Variants in SYT1 observed in about 807,000 individuals in gnomAD.
SYT1 encodes synaptotagmin 1.
Under a neutral mutation model 44.8 loss-of-function variants are expected in SYT1, and 8 were observed. That is an observed-to-expected ratio of 0.18 (90% CI 0.10 to 0.32). SYT1 has a LOEUF of 0.32. SYT1 is among the 10% of genes least tolerant of loss of function. SYT1 has a pLI of 1.00. For synonymous variants in SYT1, 154 were observed against 188.8 expected (o/e 0.82, Z 1.51); for missense variants, 286 against 509.3 (o/e 0.56, Z 4.22).
At chr12:79,415,780 C>A (rs1299440026) in intron 9 of SYT1, among the ~76,000 whole-genome samples, 1 of 152,132 alleles carries the variant, frequency 6.6e-6, no homozygotes, top group African/African-American at 2.4e-5. Flanking sequence ...TAGATGTTGC[C>A]AAAATTAAGC....
At chr12:78,876,898 T>TATATTATATGTATTATATATA (rs1565697970) in intron 1 of SYT1, among the ~76,000 whole-genome samples, 1 of 17,108 alleles carries the variant, frequency 5.8e-5, no homozygotes, top group Non-Finnish European at 1.4e-4. Context: ...TAATATATAT[T>TATATTATATGTATTATATATA]ATATATTATA....
chr12:79,182,695 G>A (rs1872609772), intron 3 of SYT1, among the ~76,000 whole-genome samples: 1 of 152,042 alleles, frequency 6.6e-6, no homozygotes, highest in Non-Finnish European at 1.5e-5. Context: ...TAATTTAAAA[G>A]CATAAATGTT....
At position 79,010,640 on chromosome 12, in the gene SYT1, C is replaced by A. The variant is rs376117959; in HGVS notation, c.-84+32709C>A. ...TTCCTCCTATAATGCCTCCAAAACA[C>A]CCAGATCTTCTGATCTTTTGATTCT... On this transcript the variant is annotated intron_variant, in intron 2 of 10. Coordinates refer to ENST00000261205, the MANE Select transcript of SYT1 (RefSeq NM_005639.3). 1.1e-4 allele frequency among the ~76,000 whole-genome samples: 17 copies of A among 152,284 alleles called. No homozygotes were observed. In the East Asian group the frequency reaches 1.5e-3, roughly 14 times the overall value.
At chr12:79,145,415 ATATT>A (rs1179763293) in intron 3 of SYT1, among the ~76,000 whole-genome samples, 4 of 152,116 alleles carry the variant, frequency 2.6e-5, no homozygotes, top group African/African-American at 9.7e-5. Context: ...ATTTAAATTA[ATATT>A]TATTTTTATC....
chr12:79,378,588 C>G (rs1884093649), intron 9 of SYT1, among the ~76,000 whole-genome samples: 1 of 152,198 alleles, frequency 6.6e-6, no homozygotes, highest in Non-Finnish European at 1.5e-5. Context: ...GATTTTCAAA[C>G]TATTCTGATT....
chr12:79,112,046 G>A (rs912915336), intron 3 of SYT1, among the ~76,000 whole-genome samples: 17 of 149,904 alleles, frequency 1.1e-4, no homozygotes, highest in Non-Finnish European at 2.4e-4. Flanking sequence ...AAAACACAAA[G>A]AACTGCAATT....
intron 3 of SYT1, among the ~76,000 whole-genome samples, chr12:79,113,154 A>T (rs1356727152): frequency 6.6e-6 from 1 of 152,074 alleles, no homozygotes; most frequent in Non-Finnish European, 1.5e-5. Flanking sequence ...TGTGTTTCTG[A>T]TATGTTAACC....
intron 3 of SYT1, among the ~76,000 whole-genome samples, chr12:79,073,160 G>A (rs1485300410): frequency 1.3e-5 from 2 of 151,930 alleles, no homozygotes; most frequent in Non-Finnish European, 2.9e-5. Context: ...GGGGTGTAGT[G>A]GTGCCATAAT....
At chr12:79,035,957 A>T (rs911152650) in intron 2 of SYT1, among the ~76,000 whole-genome samples, 1 of 151,662 alleles carries the variant, frequency 6.6e-6, no homozygotes, top group African/African-American at 2.4e-5. Flanking sequence ...AACAAAAAAA[A>T]AAAAAACAAG....
intron 4 of SYT1, among the ~76,000 whole-genome samples, chr12:79,261,964 C>T (rs1040140528): frequency 1.3e-5 from 2 of 152,148 alleles, no homozygotes; most frequent in Admixed American, 6.5e-5. Context: ...AAAATCTACA[C>T]ATAAACATTC....
At chr12:79,272,522 A>C (rs999474557) in intron 4 of SYT1, among the ~76,000 whole-genome samples, 1 of 152,218 alleles carries the variant, frequency 6.6e-6, no homozygotes, top group African/African-American at 2.4e-5. Context: ...ATGGGGTAGG[A>C]AACGACAGAA....
At chr12:79,086,866 C>T (rs1877416574) in intron 3 of SYT1, among the ~76,000 whole-genome samples, 1 of 152,148 alleles carries the variant, frequency 6.6e-6, no homozygotes. Flanking sequence ...TCTTGGTAGG[C>T]CTCCAGGCAT....
At chr12:78,932,117 T>C (rs1877792318) in intron 1 of SYT1, among the ~76,000 whole-genome samples, 1 of 152,242 alleles carries the variant, frequency 6.6e-6, no homozygotes, top group Non-Finnish European at 1.5e-5. Flanking sequence ...CTTCCCTTAT[T>C]GATGCAATTG....
intron 3 of SYT1, among the ~76,000 whole-genome samples, chr12:79,100,296 G>A (rs1187533676): frequency 1.3e-5 from 2 of 152,144 alleles, no homozygotes; most frequent in African/African-American, 2.4e-5. Context: ...AAGTGGCAGA[G>A]CCAACTTTGG....
chr12:79,181,644 G>T (rs1428680357), intron 3 of SYT1, among the ~76,000 whole-genome samples: 1 of 151,942 alleles, frequency 6.6e-6, no homozygotes, highest in Non-Finnish European at 1.5e-5. Context: ...AAGTGTGGCA[G>T]ACCAGGTCAT....
chr12:79,207,121 A>G (rs770880626), intron 3 of SYT1, among the ~76,000 whole-genome samples: 6 of 152,206 alleles, frequency 3.9e-5, no homozygotes, highest in Non-Finnish European at 8.8e-5. Context: ...CCTCAGTCCA[A>G]TGAGCTGCCA....
intron 1 of SYT1, among the ~76,000 whole-genome samples, chr12:78,948,898 T>C (rs1219770696): frequency 6.6e-6 from 1 of 151,346 alleles, no homozygotes; most frequent in African/African-American, 2.4e-5. Context: ...AATGTAAGTT[T>C]CTTACAGAAG....
chr12:78,896,856 C>T (rs566970472), intron 1 of SYT1, among the ~76,000 whole-genome samples: 1 of 151,816 alleles, frequency 6.6e-6, no homozygotes, highest in Admixed American at 6.6e-5. Context: ...ATTTCTATAT[C>T]TTTAGGAAGA....
Position 79,055,066 on chromosome 12 carries a change from T to C in SYT1, c.-18+7704T>C, listed in dbSNP as rs537015941. Among the ~76,000 whole-genome samples, 6 of 152,106 alleles carry C rather than the reference T, an allele frequency of 3.9e-5. No homozygotes were observed. In the South Asian group the frequency reaches 6.2e-4, roughly 16 times the overall value. ...ATTCAAATGCCAGCTCCACCACTTATTAACTATGGGATGTAGGACAATTTT... is the reference window on the plus strand; with the variant it reads ...ATTCAAATGCCAGCTCCACCACTTACTAACTATGGGATGTAGGACAATTTT... On this transcript the variant is annotated intron_variant, in intron 3 of 10. Coordinates refer to ENST00000261205, the MANE Select transcript of SYT1 (RefSeq NM_005639.3).
Sources: gnomAD v4.1 joint callset for allele counts (sites outside exome capture counted in the v4.1 genomes callset) on GRCh38, gnomAD v4.1.1 for gene constraint, MANE v1.5 for transcripts, NCBI Gene and HGNC (gene_info 2026-07-23, HGNC 2026-07-21) for gene names.